NSMAF: variants seen among roughly 807,000 people sequenced by gnomAD.
The protein encoded by NSMAF is neutral sphingomyelinase activation associated factor, also known as protein FAN.
Under a neutral mutation model 134.9 loss-of-function variants are expected in NSMAF, and 90 were observed. The observed-to-expected ratio is 0.67, with a 90% CI of 0.56 to 0.79. NSMAF has a LOEUF of 0.79. Ranked by LOEUF, NSMAF falls within the 30% of genes least tolerant of loss-of-function variation. The probability of loss-of-function intolerance (pLI) is 0.00; values close to 1 mark genes in which losing one functional copy is unlikely to be tolerated. For missense variants in NSMAF, 1,010 were observed against 1,119.0 expected (o/e 0.90, Z 1.39); for synonymous variants, 358 against 389.6 (o/e 0.92, Z 0.96).
chr8:58,648,082 T>G (rs1807502594), intron 1 of NSMAF, among the ~76,000 whole-genome samples: 1 of 152,182 alleles, frequency 6.6e-6, no homozygotes, highest in Admixed American at 6.5e-5. Flanking sequence ...TGACACGGTC[T>G]CAGATGGAAA....
intron 10 of NSMAF, 67 bp downstream of exon 10, chr8:58,609,537 G>A: frequency 1.3e-6 from 2 of 1,561,050 alleles, no homozygotes; most frequent in African/African-American, 1.4e-5. Context: ...CCCTGGCATT[G>A]TGAGGCCATG....
At chr8:58,630,110 G>GGAT (rs1367485416) in intron 6 of NSMAF, among the ~76,000 whole-genome samples, 1 of 152,210 alleles carries the variant, frequency 6.6e-6, no homozygotes, top group African/African-American at 2.4e-5. Flanking sequence ...GTGGGACAGA[G>GGAT]GATGGCCAGA....
At position 58,623,367 on chromosome 8, in the gene NSMAF, G is replaced by A; in HGVS notation, c.504+10C>T. The A allele has an allele frequency of 6.2e-7, 1 of 1,613,570 alleles. No individual in the cohort carries two copies. On this transcript the variant is annotated intron_variant, in intron 8 of 30. Transcript: ENST00000038176. ...GACAATCAAAGACAGACATTGTTAA[G>A]AATACTTACCATGGCGGTTTGGTCA...
intron 9 of NSMAF, among the ~76,000 whole-genome samples, chr8:58,613,978 G>A (rs1806596314): frequency 1.3e-5 from 2 of 152,136 alleles, no homozygotes; most frequent in South Asian, 4.1e-4. Context: ...ACACTCAAGT[G>A]GTACAGCAAA....
chr8:58,612,908 C>T (rs780955428), intron 9 of NSMAF, among the ~76,000 whole-genome samples: 3 of 152,096 alleles, frequency 2.0e-5, no homozygotes, highest in African/African-American at 4.8e-5. Context: ...GGCTCTTCAC[C>T]GGAAACAATG....
rs920615574 is a variant in NSMAF at position 58,636,838 on chromosome 8, T to C, written c.150-1292A>G. Among the ~76,000 whole-genome samples, 3 of 152,210 alleles carry C rather than the reference T, an allele frequency of 2.0e-5. No homozygotes were observed. The East Asian group carries it at 5.8e-4, about 29-fold the overall frequency. On this transcript the variant is annotated intron_variant, in intron 2 of 30. Coordinates refer to ENST00000038176, the MANE Select transcript of NSMAF (RefSeq NM_003580.4). ...CATTGAAATTTTATCATTCCTTCTATGTTATGAGCTAGAATTTGACAAAAA... is the reference window on the plus strand; with the variant it reads ...CATTGAAATTTTATCATTCCTTCTACGTTATGAGCTAGAATTTGACAAAAA...
chr8:58,656,819 G>C (rs1563548280), intron 1 of NSMAF, among the ~76,000 whole-genome samples: 1 of 151,952 alleles, frequency 6.6e-6, no homozygotes, highest in Non-Finnish European at 1.5e-5. Context: ...AACAGAGCGA[G>C]ACTCTGTCTC....
intron 2 of NSMAF, among the ~76,000 whole-genome samples, chr8:58,640,684 T>C (rs1002571750): frequency 1.1e-4 from 17 of 152,154 alleles, no homozygotes; most frequent in African/African-American, 3.1e-4. Context: ...TAACTCCAAC[T>C]TTATAATTAA....
chr8:58,599,943 T>C, intron 17 of NSMAF, 27 bp downstream of exon 17: 5 of 1,613,314 alleles, frequency 3.1e-6, no homozygotes, highest in Non-Finnish European at 4.2e-6. Flanking sequence ...CAAGTCCAGT[T>C]ACTCATCAGC....
At chr8:58,594,211 C>A (rs769011810) in intron 23 of NSMAF, 21 bp downstream of exon 23, 2 of 1,613,152 alleles carry the variant, frequency 1.2e-6, no homozygotes, top group African/African-American at 1.3e-5. Context: ...GTTAAGCCGC[C>A]TTTCGGGGAG....
At chr8:58,589,180 T>C (rs1319288876) in intron 26 of NSMAF, among the ~76,000 whole-genome samples, 1 of 147,798 alleles carries the variant, frequency 6.8e-6, no homozygotes, top group Non-Finnish European at 1.5e-5. Context: ...AATATATAAA[T>C]ATATGTAATA....
intron 1 of NSMAF, chr8:58,659,339 C>A: frequency 9.8e-6 from 15 of 1,527,462 alleles, no homozygotes; most frequent in Non-Finnish European, 1.3e-5. Context: ...TCTGGCCTGG[C>A]CCGTCATCCA....
intron 1 of NSMAF, among the ~76,000 whole-genome samples, chr8:58,655,420 G>C (rs556329717): frequency 1.4e-5 from 2 of 147,244 alleles, no homozygotes; most frequent in African/African-American, 5.0e-5. Flanking sequence ...TTTTCTTTGC[G>C]ATAGGGTCTC....
chr8:58,616,897 A>G (rs974899514), intron 9 of NSMAF, among the ~76,000 whole-genome samples: 3 of 152,236 alleles, frequency 2.0e-5, no homozygotes, highest in Admixed American at 6.5e-5. Flanking sequence ...TACAAGGCCA[A>G]TTAAAAAAAG....
intron 6 of NSMAF, among the ~76,000 whole-genome samples, chr8:58,628,704 C>A (rs2129145189): frequency 6.6e-6 from 1 of 152,178 alleles, no homozygotes; most frequent in East Asian, 1.9e-4. Context: ...TTTAGCATTT[C>A]CTATAAAGCA....
intron 28 of NSMAF, 90 bp from the exon 29 acceptor site, chr8:58,586,090 A>T (rs1254762929): frequency 1.0e-6 from 1 of 981,296 alleles, no homozygotes; most frequent in Non-Finnish European, 1.6e-6. Flanking sequence ...CCAGTGGCCT[A>T]ATCTCCACAT....
chr8:58,610,075 A>G (rs1433121294), intron 9 of NSMAF, among the ~76,000 whole-genome samples: 1 of 152,162 alleles, frequency 6.6e-6, no homozygotes, highest in Non-Finnish European at 1.5e-5. Context: ...TTTTTCTGTC[A>G]TTATTTTTAT....
In NSMAF at chr8:58,605,907, A is replaced by G. The variant is rs1806397338; in HGVS notation, c.868+20T>C. The G allele has an allele frequency of 7.8e-6, 12 of 1,538,276 alleles. No individual in the cohort carries two copies. The highest frequency in any genetic ancestry group is 8.7e-6 in the Non-Finnish European group (10 of 1,151,096). On this transcript the variant is annotated intron_variant, in intron 12 of 30. Coordinates refer to ENST00000038176, the MANE Select transcript of NSMAF (RefSeq NM_003580.4). Reference sequence around the variant, plus strand: ...AAAAAAAAAAAAAAAGAAAGAAACAATGAAGGGTGAGCGCCAAACCTAGGT... The same window carrying G: ...AAAAAAAAAAAAAAAGAAAGAAACAGTGAAGGGTGAGCGCCAAACCTAGGT...
chr8:58,588,238 C>T (rs1805935717), intron 26 of NSMAF, among the ~76,000 whole-genome samples: 1 of 151,988 alleles, frequency 6.6e-6, no homozygotes, highest in African/African-American at 2.4e-5. Context: ...GAACATATTC[C>T]TACATCGAAA....
Sources: allele counts gnomAD v4.1 joint callset (sites outside exome capture counted in the v4.1 genomes callset), GRCh38; gene constraint gnomAD v4.1.1; transcripts MANE v1.5; gene names NCBI Gene and HGNC (gene_info 2026-07-23, HGNC 2026-07-21).